The following GLE1 variants were observed in gnomAD, a reference collection of about 807,000 sequenced individuals.
GLE1 encodes mRNA export factor GLE1.
In GLE1, 78 loss-of-function variants were observed where a neutral mutation model predicts 97.3. The ratio of observed to expected loss-of-function variants is 0.80; its 90% CI spans 0.67 to 0.97. The LOEUF (loss-of-function observed/expected upper bound fraction) is 0.97. GLE1 is among the 50% of genes least tolerant of loss of function. The probability of loss-of-function intolerance (pLI) is 0.00; values close to 1 mark genes in which losing one functional copy is unlikely to be tolerated. For synonymous variants in GLE1, 302 were observed against 313.4 expected, an observed-to-expected ratio of 0.96 and a Z score of 0.39; for missense variants, 753 against 857.5, an observed-to-expected ratio of 0.88 and a Z score of 1.52.
chr9:128,506,811 A>G (rs1388145856), intron 1 of GLE1, among the ~76,000 whole-genome samples: 1 of 152,200 alleles, frequency 6.6e-6, no homozygotes, highest in Non-Finnish European at 1.5e-5. Context: ...GCCACTTCCA[A>G]CCCAGCACTT....
intron 4 of GLE1, 121 bp from the exon 5 acceptor site, chr9:128,523,159 C>T: frequency 4.9e-6 from 4 of 824,436 alleles, no homozygotes; most frequent in South Asian, 1.4e-5. Flanking sequence ...ATAACGAGAC[C>T]CCATCTCTAA....
At chr9:128,535,618 C>T (rs1464186627) in intron 11 of GLE1, among the ~76,000 whole-genome samples, 3 of 149,012 alleles carry the variant, frequency 2.0e-5, no homozygotes, top group African/African-American at 7.4e-5. Flanking sequence ...GTCAATAGTT[C>T]AAGACCAGCC....
At chr9:128,522,614 C>CA (rs1166554240) in intron 3 of GLE1, 54 bp from the exon 4 acceptor site, 13 of 1,498,872 alleles carry the variant, frequency 8.7e-6, no homozygotes, top group Non-Finnish European at 1.1e-5. Flanking sequence ...TCCAGCCTGG[C>CA]GACAGAGAGA....
chr9:128,525,796 C>T (rs1003436781), intron 7 of GLE1, among the ~76,000 whole-genome samples: 4 of 151,888 alleles, frequency 2.6e-5, no homozygotes, highest in African/African-American at 7.3e-5. Context: ...CATGGTGGCA[C>T]GCACCTGTAG....
chr9:128,537,326 A>G lies in GLE1; in HGVS notation c.1777-660A>G, dbSNP rs556572450. Among the ~76,000 whole-genome samples the G allele has an allele frequency of 1.4e-4, 21 of 151,520 alleles. 1 individual carries two copies. The highest frequency in any genetic ancestry group is 5.1e-4 in the African/African-American group (21 of 41,346). On this transcript the variant is annotated intron_variant, in intron 12 of 15. Coordinates refer to ENST00000309971, the MANE Select transcript of GLE1 (RefSeq NM_001003722.2). ...AAATTAGCTGGGCATGGTGGTGGGC[A>G]CCTGTAATTCCAGCTACTTGGGAGG... is the stretch of plus-strand genomic sequence containing the variant.
intron 9 of GLE1, among the ~76,000 whole-genome samples, chr9:128,531,036 G>A (rs2132493631): frequency 6.6e-6 from 1 of 151,550 alleles, no homozygotes; most frequent in East Asian, 1.9e-4. Context: ...CCAATATGGA[G>A]AAACCCTGTG....
At chr9:128,520,374 A>G (rs1198679602) in intron 3 of GLE1, among the ~76,000 whole-genome samples, 6 of 148,412 alleles carry the variant, frequency 4.0e-5, no homozygotes, top group South Asian at 4.2e-4. Flanking sequence ...ATATATGTAT[A>G]TATGTATATG....
intron 8 of GLE1, 35 bp downstream of exon 8, chr9:128,527,326 C>T (rs765348173): frequency 1.5e-6 from 2 of 1,344,362 alleles, no homozygotes; most frequent in South Asian, 2.3e-5. Flanking sequence ...ATTTTGTGGA[C>T]TTGATGGTTC....
intron 1 of GLE1, among the ~76,000 whole-genome samples, chr9:128,506,240 G>T (rs1039195382): frequency 3.0e-4 from 46 of 152,176 alleles, no homozygotes; most frequent in African/African-American, 1.1e-3. Context: ...AGCTACTCGG[G>T]AGACTGAGGC....
intron 14 of GLE1, 37 bp downstream of exon 14, chr9:128,539,735 T>A: frequency 6.2e-7 from 1 of 1,613,948 alleles, no homozygotes; most frequent in East Asian, 2.2e-5. Context: ...GGGGATTAAG[T>A]AACTCATAAC....
chr9:128,516,405 C>T (rs1397790078), intron 3 of GLE1, among the ~76,000 whole-genome samples: 4 of 152,122 alleles, frequency 2.6e-5, no homozygotes, highest in South Asian at 2.1e-4. Context: ...CCGCAAGCTC[C>T]GCCTCCCAGG....
intron 5 of GLE1, 114 bp from the exon 6 acceptor site, chr9:128,523,478 C>T: frequency 6.9e-7 from 1 of 1,448,496 alleles, no homozygotes; most frequent in East Asian, 2.3e-5. Context: ...GGGATGTCCT[C>T]TTCCTGCTCT....
In GLE1 at chr9:128,533,859, C is replaced by T. The variant is rs1345583590; in HGVS notation, c.1554C>T (p.Asp518=). The part of the protein sequence containing the change: ...GIWELHPRVG[D]LILAHLHKKC... ...GGGAGCTCCACCCCAGAGTGGGGGA[C>T]CTCATTCTTGCTCATCTACATAAGA... Residue 518 remains aspartate, a synonymous_variant, in exon 11 of 16, where the codon GAC becomes GAT. Coordinates refer to ENST00000309971, the MANE Select transcript of GLE1 (RefSeq NM_001003722.2). The T allele has an allele frequency of 1.9e-6, 3 of 1,612,062 alleles. No homozygotes were observed. The South Asian group carries it at 3.3e-5, about 18-fold the overall frequency.
At chr9:128,525,119 A>G in intron 6 of GLE1, 73 bp from the exon 7 acceptor site, 5 of 1,088,624 alleles carry the variant, frequency 4.6e-6, no homozygotes, top group Non-Finnish European at 7.1e-6. Context: ...AATTGCAGGA[A>G]ATTTATTGAC....
At chr9:128,520,182 G>A (rs543036293) in intron 3 of GLE1, among the ~76,000 whole-genome samples, 146 of 151,896 alleles carry the variant, frequency 9.6e-4, no homozygotes, top group African/African-American at 3.2e-3. Flanking sequence ...CCTGGGAGGC[G>A]GAGGTTGCAG....
chr9:128,512,505 A>G (rs1846854016), intron 2 of GLE1, among the ~76,000 whole-genome samples: 1 of 152,164 alleles, frequency 6.6e-6, no homozygotes, highest in Non-Finnish European at 1.5e-5. Context: ...AACATTAATT[A>G]TTTAAAAATT....
intron 3 of GLE1, among the ~76,000 whole-genome samples, chr9:128,520,319 T>G (rs1847107839): frequency 6.7e-6 from 1 of 148,568 alleles, no homozygotes; most frequent in Middle Eastern, 3.6e-3. Context: ...TGTGTATATA[T>G]GTATATGTGT....
intron 15 of GLE1, 155 bp downstream of exon 15, chr9:128,540,493 GA>G: frequency 1.5e-6 from 1 of 678,242 alleles, no homozygotes. Flanking sequence ...TTAACCTTTG[GA>G]GTAAGGGCTG....
chr9:128,535,001 G>A (rs955705141), intron 11 of GLE1, among the ~76,000 whole-genome samples: 6 of 151,880 alleles, frequency 4.0e-5, no homozygotes, highest in African/African-American at 1.5e-4. Context: ...ACAGGCGTGA[G>A]CCACCACGCC....
Sources: allele counts gnomAD v4.1 joint callset (sites outside exome capture counted in the v4.1 genomes callset), GRCh38; gene constraint gnomAD v4.1.1; transcripts MANE v1.5; gene names NCBI Gene and HGNC (gene_info 2026-07-23, HGNC 2026-07-21).